The following SPATA7 variants were observed in gnomAD, a reference collection of about 807,000 sequenced individuals.
SPATA7 encodes spermatogenesis-associated protein 7.
A neutral mutation model predicts 51.8 loss-of-function variants in SPATA7; 43 were observed. The ratio of observed to expected loss-of-function variants is 0.83; its 90% CI spans 0.65 to 1.07. The LOEUF is 1.07. Ranked by LOEUF, SPATA7 falls within the 50% of genes least tolerant of loss-of-function variation. The probability of loss-of-function intolerance (pLI) is 0.00; values close to 1 mark genes in which losing one functional copy is unlikely to be tolerated. For synonymous variants in SPATA7, 230 were observed against 252.8 expected, an observed-to-expected ratio of 0.91 and a Z score of 0.86; for missense variants, 683 against 701.3, an observed-to-expected ratio of 0.97 and a Z score of 0.30.
At chr14:88,397,095 G>T (rs2075905209) in intron 4 of SPATA7, among the ~76,000 whole-genome samples, 2 of 152,024 alleles carry the variant, frequency 1.3e-5, no homozygotes, top group Admixed American at 1.3e-4. Context: ...TTACCATGTT[G>T]CCCAGGCTTG....
At chr14:88,395,075 G>T (rs1349195697) in intron 3 of SPATA7, among the ~76,000 whole-genome samples, 1 of 151,854 alleles carries the variant, frequency 6.6e-6, no homozygotes, top group Non-Finnish European at 1.5e-5. Context: ...TCATTTTCTT[G>T]TTAAAATTCG....
chr14:88,445,167 G>A (rs2077203085), intron 3 of SPATA7, among the ~76,000 whole-genome samples: 1 of 151,580 alleles, frequency 6.6e-6, no homozygotes, highest in Non-Finnish European at 1.5e-5. Flanking sequence ...TCCTTGAGCA[G>A]TGGTTTGTAG....
At chr14:88,410,465 G>A (rs1173966968) in intron 4 of SPATA7, among the ~76,000 whole-genome samples, 2 of 152,044 alleles carry the variant, frequency 1.3e-5, no homozygotes, top group Non-Finnish European at 2.9e-5. Flanking sequence ...CTTTGGAGGA[G>A]AAGAGGCGTT....
chr14:88,408,635 C>T (rs905015423), intron 4 of SPATA7, among the ~76,000 whole-genome samples: 14 of 152,168 alleles, frequency 9.2e-5, no homozygotes, highest in South Asian at 2.1e-4. Context: ...CCTAAACTTC[C>T]GTTACTGTGT....
intron 4 of SPATA7, chr14:88,468,139 A>G: frequency 1.2e-6 from 2 of 1,614,080 alleles, no homozygotes; most frequent in Non-Finnish European, 1.7e-6. Context: ...GTGGGAGCTT[A>G]GATGAGCCTG....
intron 4 of SPATA7, among the ~76,000 whole-genome samples, chr14:88,405,637 C>CA (rs1215787543): frequency 6.6e-6 from 1 of 152,182 alleles, no homozygotes; most frequent in East Asian, 1.9e-4. Context: ...ACCTCTCAGC[C>CA]AAAAGGATGG....
At chr14:88,467,945 A>T in intron 4 of SPATA7, 1 of 745,108 alleles carries the variant, frequency 1.3e-6, no homozygotes, top group Non-Finnish European at 2.2e-6. Flanking sequence ...CACCTTTCCC[A>T]GGTTAGAAAC....
chr14:88,464,500 G>A (rs2077341059), intron 4 of SPATA7, among the ~76,000 whole-genome samples: 1 of 152,146 alleles, frequency 6.6e-6, no homozygotes, highest in South Asian at 2.1e-4. Flanking sequence ...GGAGGCCGAT[G>A]CTGGCAGATC....
chr14:88,420,527 C>T lies in SPATA7; in HGVS notation c.372+3683C>T, dbSNP rs367549336. On this transcript the variant is annotated intron_variant, in intron 5 of 11. Coordinates refer to ENST00000393545, the MANE Select transcript of SPATA7 (RefSeq NM_018418.5). ...AGCTGTGTTCTTTCCATCTCTATCT[C>T]TCAGCTGAAACAGTAAGTTTGTTTT... 7.6e-4 allele frequency among the ~76,000 whole-genome samples: 116 copies of T among 152,242 alleles called. 3 individuals carry two copies. The South Asian group carries it at 0.024, about 31-fold the overall frequency.
chr14:88,468,060 A>G lies in SPATA7; in HGVS notation c.255-1787A>G, dbSNP rs756516952. On this transcript the variant is annotated intron_variant, in intron 4 of 4. Coordinates refer to the SPATA7 transcript ENST00000556406. ...TGCGTGGATCAAGTGTCAACGGGAA[A>G]GTATGAGTTAGGCAAGCGCTTTTTT... 123 of 1,529,394 alleles carry G rather than the reference A, an allele frequency of 8.0e-5. No individual in the cohort carries two copies. In the East Asian group the frequency reaches 2.2e-3, roughly 27 times the overall value. The allele number at this position is 1,529,394 out of a possible 1,614,324, so 94.7% of individuals were successfully genotyped here.
chr14:88,421,927 G>A (rs914121152), intron 5 of SPATA7, among the ~76,000 whole-genome samples: 9 of 147,840 alleles, frequency 6.1e-5, no homozygotes, highest in East Asian at 5.9e-4. Flanking sequence ...CAGCCTGGGC[G>A]ACAGAGCGAG....
chr14:88,445,675 A>AT (rs1648302723), intron 3 of SPATA7, among the ~76,000 whole-genome samples: 1 of 152,068 alleles, frequency 6.6e-6, no homozygotes, highest in Non-Finnish European at 1.5e-5. Flanking sequence ...TACCTAATTT[A>AT]TTGAGAGTTT....
At chr14:88,468,564 G>C (rs948455370) in intron 4 of SPATA7, among the ~76,000 whole-genome samples, 1 of 152,152 alleles carries the variant, frequency 6.6e-6, no homozygotes, top group Admixed American at 6.6e-5. Context: ...CAAAAACATA[G>C]TGTGCTAAGT....
intron 2 of SPATA7, among the ~76,000 whole-genome samples, chr14:88,392,194 T>A (rs576984836): frequency 6.6e-6 from 1 of 152,324 alleles, no homozygotes; most frequent in Non-Finnish European, 1.5e-5. Flanking sequence ...TGATAAACTT[T>A]AAAAACTAAA....
At position 88,426,599 on chromosome 14, in the gene SPATA7, CAG is replaced by C; in HGVS notation, c.742_743del (p.Glu248SerfsTer28). On this transcript the variant is annotated frameshift_variant, in exon 6 of 12. Coordinates refer to ENST00000393545, the MANE Select transcript of SPATA7 (RefSeq NM_018418.5). LOFTEE classifies it high-confidence loss of function. ...CCATTCACTCCTCGCACTTTAAAAACAGAAGCAAAATCTTTCCTGTCACAGTA... is the reference window on the plus strand; with the variant it reads ...CCATTCACTCCTCGCACTTTAAAAACAAGCAAAATCTTTCCTGTCACAGTA... 1 of 1,614,150 alleles carries C rather than the reference CAG, an allele frequency of 6.2e-7. No homozygotes were observed. The highest frequency in any genetic ancestry group is 8.5e-7 in the Non-Finnish European group (1 of 1,180,020).
rs971206650 is a variant in SPATA7, at chr14:88,397,964, C to T, written c.238+1761C>T. ...GGGTGTGGTGGTGGGCACCTGTAGT[C>T]CCAGCTACTCTGGAGGCTGAGGCAG... On this transcript the variant is annotated intron_variant, in intron 4 of 11. Coordinates refer to ENST00000393545, the MANE Select transcript of SPATA7 (RefSeq NM_018418.5). 8.5e-5 allele frequency among the ~76,000 whole-genome samples: 13 copies of T among 152,166 alleles called. No individual in the cohort carries two copies. The East Asian group carries it at 2.3e-3, about 27-fold the overall frequency.
chr14:88,438,954 C>T (rs2077159639), downstream of SPATA7, among the ~76,000 whole-genome samples: 1 of 152,180 alleles, frequency 6.6e-6, no homozygotes, highest in African/African-American at 2.4e-5. Context: ...AGAAGCAAGT[C>T]ACAGGTCTTG....
rs1307769849 is a variant in SPATA7 at position 88,437,917 on chromosome 14, A to G, written c.1295A>G (p.Asp432Gly). 6.2e-7 allele frequency: 1 copy of G among 1,612,454 alleles called. No homozygotes were observed. Among genetic ancestry groups the G allele is most frequent in the Non-Finnish European group, 8.5e-7 (1 of 1,179,132 alleles). ...TSEENSVKQNDVDMLNVFDFE... is the reference protein window; with the variant it reads ...TSEENSVKQNGVDMLNVFDFE... ...GAGGAAAACTCGGTAAAGCAAAATG[A>G]TGTTGATATGTTGAATGTATTTGAT... The change falls in exon 12 of 12, where the codon GAT (aspartate) becomes GGT (glycine). Residue 432 changes from aspartate to glycine, a missense_variant. Physicochemically the swap from Asp to Gly is moderately conservative, Grantham distance 94. Coordinates refer to ENST00000393545, the MANE Select transcript of SPATA7 (RefSeq NM_018418.5).
intron 10 of SPATA7, among the ~76,000 whole-genome samples, chr14:88,434,687 G>GAAAAAAAAAAAAA (rs552414869): frequency 1.8e-5 from 1 of 56,902 alleles, no homozygotes. Flanking sequence ...CTCTGTCTCA[G>GAAAAAAAAAAAAA]AAAAAAAAAA....
Sources: allele counts gnomAD v4.1 joint callset (sites outside exome capture counted in the v4.1 genomes callset), GRCh38; gene constraint gnomAD v4.1.1; transcripts MANE v1.5; gene names NCBI Gene and HGNC (gene_info 2026-07-23, HGNC 2026-07-21).